NFATC1: variants seen among roughly 807,000 people sequenced by gnomAD.
NFATC1 encodes nuclear factor of activated T-cells, cytoplasmic 1.
In NFATC1, 22 loss-of-function variants were observed where a neutral mutation model predicts 76.0. The ratio of observed to expected loss-of-function variants is 0.29; its 90% CI spans 0.21 to 0.41. The LOEUF (loss-of-function observed/expected upper bound fraction) is 0.41, where lower values mean the gene tolerates loss of function less well. Ranked by LOEUF, NFATC1 falls within the 10% of genes least tolerant of loss-of-function variation. The pLI, the probability that NFATC1 is intolerant of heterozygous loss-of-function variation, is 1.00. For synonymous variants in NFATC1, 704 were observed against 613.1 expected (o/e 1.15, Z -2.19); for missense variants, 1,357 against 1,337.7 (o/e 1.01, Z -0.23).
intron 4 of NFATC1, among the ~76,000 whole-genome samples, chr18:79,449,411 CTG>C (rs754125542): frequency 2.6e-5 from 4 of 152,334 alleles, no homozygotes; most frequent in East Asian, 3.9e-4. Flanking sequence ...TAATTTGACA[CTG>C]TAATTTGTTT....
rs752014140 is a variant in NFATC1 at position 79,443,512 on chromosome 18, G to T, written c.1387-5270G>T. ...GAAGGGGCCTGGAGCCGTCCCTCGGGGGGTGGGGAGGAGCTAGTTTCCCAG... is the reference window on the plus strand; with the variant it reads ...GAAGGGGCCTGGAGCCGTCCCTCGGTGGGTGGGGAGGAGCTAGTTTCCCAG... On this transcript the variant is annotated intron_variant, in intron 3 of 9. Coordinates refer to ENST00000427363, the MANE Select transcript of NFATC1 (RefSeq NM_001278669.2). Among the ~76,000 whole-genome samples the T allele has an allele frequency of 5.9e-5, 9 of 152,310 alleles. No homozygotes were observed. The East Asian group carries it at 7.7e-4, about 13-fold the overall frequency.
chr18:79,422,057 C>T (rs1005293072), intron 2 of NFATC1: 2 of 152,280 alleles, frequency 1.3e-5, no homozygotes, highest in South Asian at 2.1e-4. Flanking sequence ...AAGTATTACC[C>T]GTGAATCACC....
intron 2 of NFATC1, among the ~76,000 whole-genome samples, chr18:79,415,794 G>A (rs2085856992): frequency 6.6e-6 from 1 of 151,502 alleles, no homozygotes; most frequent in Non-Finnish European, 1.5e-5. Context: ...AGGCGCAGTG[G>A]CTCACGCCTG....
chr18:79,506,299 C>G (rs2090120020), intron 9 of NFATC1, among the ~76,000 whole-genome samples: 1 of 152,162 alleles, frequency 6.6e-6, no homozygotes, highest in Non-Finnish European at 1.5e-5. Flanking sequence ...GTCAGCCCCT[C>G]CCTCCGTGGA....
intron 7 of NFATC1, among the ~76,000 whole-genome samples, chr18:79,462,406 G>A (rs759544731): frequency 2.6e-5 from 4 of 152,036 alleles, no homozygotes; most frequent in Non-Finnish European, 5.9e-5. Flanking sequence ...GCGTGATCTC[G>A]GCTCACTGCA....
intron 2 of NFATC1, among the ~76,000 whole-genome samples, chr18:79,420,349 C>T (rs180782437): frequency 1.2e-3 from 144 of 121,122 alleles, no homozygotes; most frequent in East Asian, 9.7e-3. Context: ...GAGGGGGACA[C>T]GTTTCCAGGT....
intron 8 of NFATC1, among the ~76,000 whole-genome samples, chr18:79,471,879 C>T (rs1305150058): frequency 6.6e-6 from 1 of 152,220 alleles, no homozygotes; most frequent in Non-Finnish European, 1.5e-5. Flanking sequence ...GAGACTCAAA[C>T]GTCACGAAGA....
intron 2 of NFATC1, among the ~76,000 whole-genome samples, chr18:79,416,329 C>T (rs926705481): frequency 2.0e-5 from 3 of 152,208 alleles, no homozygotes; most frequent in Non-Finnish European, 2.9e-5. Context: ...GGCTCAGTAG[C>T]GATTCCTCCT....
In NFATC1 at chr18:79,489,273, G is replaced by A. The variant is rs535624252; in HGVS notation, c.2782+2336G>A. ...CGCCCTGGCCTGCCTGACTGTGCGT[G>A]GACATGGAGGGGATGGGTCTTGGGG... On this transcript the variant is annotated intron_variant, in intron 9 of 9. Coordinates refer to ENST00000427363, the MANE Select transcript of NFATC1 (RefSeq NM_001278669.2). Among the ~76,000 whole-genome samples, 4 of 152,352 alleles carry A rather than the reference G, an allele frequency of 2.6e-5. No homozygotes were observed. In the South Asian group the frequency reaches 8.3e-4, roughly 32 times the overall value.
chr18:79,414,489 C>T (rs959311739), intron 2 of NFATC1, among the ~76,000 whole-genome samples: 12 of 152,288 alleles, frequency 7.9e-5, no homozygotes, highest in Admixed American at 3.3e-4. Context: ...GCCCCCAGTG[C>T]TATGCAGAGC....
At chr18:79,523,519 A>G (rs1399046239) in intron 9 of NFATC1, among the ~76,000 whole-genome samples, 4 of 152,286 alleles carry the variant, frequency 2.6e-5, no homozygotes, top group Admixed American at 6.5e-5. Context: ...ACGCACAGCT[A>G]GTGAGAGCTT....
chr18:79,464,602 G>GACACAC (rs57175022), intron 7 of NFATC1, among the ~76,000 whole-genome samples: 32,367 of 138,328 alleles, frequency 0.23, 4,211 homozygotes, highest in East Asian at 0.31. Context: ...TGTTCACGCA[G>GACACAC]ACACACACAC....
chr18:79,499,952 C>T (rs1475415890), intron 9 of NFATC1, among the ~76,000 whole-genome samples: 1 of 152,104 alleles, frequency 6.6e-6, no homozygotes, highest in East Asian at 1.9e-4. Context: ...CACATTTGCA[C>T]ATAACAGAGC....
At chr18:79,401,696 C>T (rs887532558) in intron 1 of NFATC1, among the ~76,000 whole-genome samples, 3 of 152,238 alleles carry the variant, frequency 2.0e-5, no homozygotes, top group Admixed American at 6.5e-5. Flanking sequence ...GGGTGAAAGT[C>T]GGTCCCATGA....
chr18:79,402,510 C>T (rs978943805), intron 1 of NFATC1: 14 of 583,694 alleles, frequency 2.4e-5, no homozygotes, highest in Non-Finnish European at 3.0e-5. Context: ...CGCCCTTCCC[C>T]GGGAGCCCCG....
At chr18:79,402,406 A>G in intron 1 of NFATC1, 1 of 984,944 alleles carries the variant, frequency 1.0e-6, no homozygotes, top group Non-Finnish European at 1.2e-6. Context: ...CCTCCCCGGC[A>G]CCCACCGGGC....
At chr18:79,505,612 G>A (rs1464901384) in intron 9 of NFATC1, among the ~76,000 whole-genome samples, 1 of 142,860 alleles carries the variant, frequency 7.0e-6, no homozygotes, top group East Asian at 2.1e-4. Flanking sequence ...TGATGGAAGA[G>A]GCAGGAGACT....
At chr18:79,417,153 CGGG>C (rs1568934337) in intron 2 of NFATC1, among the ~76,000 whole-genome samples, 2 of 68,640 alleles carry the variant, frequency 2.9e-5, no homozygotes, top group Non-Finnish European at 3.0e-5. Context: ...TGGGCTGTGG[CGGG>C]AGATGGGCTG....
chr18:79,405,741 A>G (rs1174180213), intron 1 of NFATC1, among the ~76,000 whole-genome samples: 1 of 152,250 alleles, frequency 6.6e-6, no homozygotes, highest in African/African-American at 2.4e-5. Context: ...GGGAAAACGC[A>G]TGCTTAGGTG....
Sources: allele counts gnomAD v4.1 joint callset (sites outside exome capture counted in the v4.1 genomes callset), GRCh38; gene constraint gnomAD v4.1.1; transcripts MANE v1.5; gene names NCBI Gene and HGNC (gene_info 2026-07-23, HGNC 2026-07-21).